Variants in EDIL3 observed in about 807,000 individuals in gnomAD.
The protein encoded by EDIL3 is EGF-like repeat and discoidin I-like domain-containing protein 3.
In EDIL3, 37 loss-of-function variants were observed where a neutral mutation model predicts 67.4. The observed-to-expected ratio is 0.55, with a 90% CI of 0.42 to 0.72. The LOEUF (loss-of-function observed/expected upper bound fraction) is 0.72. Among genes scored for constraint, EDIL3 ranks in the 30% least tolerant of loss-of-function variants. The pLI, the probability that EDIL3 is intolerant of heterozygous loss-of-function variation, is 0.00. For synonymous variants in EDIL3, 195 were observed against 196.3 expected (o/e 0.99, Z 0.05); for missense variants, 527 against 586.3 (o/e 0.90, Z 1.04).
intron 6 of EDIL3, 44 bp from the exon 7 acceptor site, chr5:84,066,650 G>T: frequency 6.3e-7 from 1 of 1,577,462 alleles, no homozygotes; most frequent in South Asian, 1.2e-5. Context: ...TTGTTTTCAG[G>T]ATAACAATAC....
At chr5:84,380,978 T>A (rs1310791793) in intron 1 of EDIL3, among the ~76,000 whole-genome samples, 1 of 152,076 alleles carries the variant, frequency 6.6e-6, no homozygotes, top group Non-Finnish European at 1.5e-5. Context: ...ATACATGATT[T>A]ATATGAACAT....
Position 84,060,499 on chromosome 5 carries a change from G to T in EDIL3, c.953-15C>A, listed in dbSNP as rs765707052. ...CTCAGAACAACCTGAAAGAAAATGA[G>T]AAGGGCTCCATGAGAAAAATAATTG... On this transcript the variant is annotated splice_polypyrimidine_tract_variant and intron_variant, in intron 8 of 10. Coordinates refer to ENST00000296591, the MANE Select transcript of EDIL3 (RefSeq NM_005711.5). The T allele has an allele frequency of 3.1e-6, 5 of 1,612,228 alleles. No individual in the cohort carries two copies. The African/African-American group carries it at 6.7e-5, about 22-fold the overall frequency.
At chr5:84,121,542 T>TCGATCGATCG (rs1561437564) in intron 5 of EDIL3, among the ~76,000 whole-genome samples, 1 of 30,750 alleles carries the variant, frequency 3.3e-5, no homozygotes, top group African/African-American at 8.3e-5. Flanking sequence ...TAGATCGATC[T>TCGATCGATCG]ATCTATCTAT....
chr5:84,292,132 T>C (rs192905458), intron 1 of EDIL3, among the ~76,000 whole-genome samples: 61 of 152,146 alleles, frequency 4.0e-4, no homozygotes, highest in African/African-American at 1.4e-3. Context: ...TAAATTTCTG[T>C]TTTTTTGTTT....
At chr5:84,132,215 G>C (rs970310028) in intron 5 of EDIL3, among the ~76,000 whole-genome samples, 1 of 143,044 alleles carries the variant, frequency 7.0e-6, no homozygotes, top group Non-Finnish European at 1.5e-5. Flanking sequence ...AGCCACCTGG[G>C]AGACGGAGAG....
At chr5:84,177,565 TCTAAA>T (rs1417660635) in intron 4 of EDIL3, among the ~76,000 whole-genome samples, 1 of 152,148 alleles carries the variant, frequency 6.6e-6, no homozygotes, top group Non-Finnish European at 1.5e-5. Flanking sequence ...AAGAGTGAAC[TCTAAA>T]CTACGGACTT....
intron 4 of EDIL3, among the ~76,000 whole-genome samples, chr5:84,164,725 T>C (rs1357959433): frequency 6.6e-6 from 1 of 152,112 alleles, no homozygotes; most frequent in Non-Finnish European, 1.5e-5. Flanking sequence ...ATCACAATTC[T>C]AGGTTTTGAT....
intron 1 of EDIL3, among the ~76,000 whole-genome samples, chr5:84,342,904 A>G (rs1397497632): frequency 6.6e-6 from 1 of 152,006 alleles, no homozygotes; most frequent in African/African-American, 2.4e-5. Context: ...CTTTGCCAGA[A>G]CCTTATTACT....
intron 1 of EDIL3, among the ~76,000 whole-genome samples, chr5:84,268,029 CG>C (rs1554039278): frequency 1.3e-5 from 2 of 152,034 alleles, no homozygotes; most frequent in Non-Finnish European, 1.5e-5. Flanking sequence ...CCCAGCTACT[CG>C]GGAGGCTGAG....
At chr5:83,964,636 A>G (rs1744659895) in intron 9 of EDIL3, among the ~76,000 whole-genome samples, 1 of 152,034 alleles carries the variant, frequency 6.6e-6, no homozygotes, top group African/African-American at 2.4e-5. Flanking sequence ...GGTGTGAAAC[A>G]GTTTCCAATG....
intron 9 of EDIL3, among the ~76,000 whole-genome samples, chr5:84,015,280 A>G (rs982668311): frequency 1.3e-5 from 2 of 152,242 alleles, no homozygotes; most frequent in African/African-American, 4.8e-5. Context: ...AACTGATTAA[A>G]TGATAAAAGT....
At chr5:84,238,779 C>T (rs969530804) in intron 2 of EDIL3, among the ~76,000 whole-genome samples, 1 of 142,016 alleles carries the variant, frequency 7.0e-6, no homozygotes, top group African/African-American at 2.6e-5. Context: ...ATCTGCAAAA[C>T]TTGTCTCCCT....
rs566946561 is a variant in EDIL3 at position 84,062,942 on chromosome 5, G to T, written c.952+1758C>A. On this transcript the variant is annotated intron_variant, in intron 8 of 10. Coordinates refer to ENST00000296591, the MANE Select transcript of EDIL3 (RefSeq NM_005711.5). ...AAAATGAAGTATTAACAATGAAATG[G>T]GTATTTCTATAATGAAGTGCTCTAG... Among the ~76,000 whole-genome samples, 4 of 152,116 alleles carry T rather than the reference G, an allele frequency of 2.6e-5. No individual in the cohort carries two copies. In the East Asian group the frequency reaches 7.7e-4, roughly 29 times the overall value.
In EDIL3 at chr5:84,060,050, T is replaced by C. The variant is rs73134253; in HGVS notation, c.1137+250A>G. ...TGCTCTCCTAATCAATCAATTGACA[T>C]ACACATAGTGTGATCTGGTACAGTC... is the stretch of plus-strand genomic sequence containing the variant. On this transcript the variant is annotated intron_variant, in intron 9 of 10. Transcript: ENST00000296591. Among the ~76,000 whole-genome samples the C allele has an allele frequency of 1.1e-3, 160 of 152,310 alleles. 1 individual carries two copies. The highest frequency in any genetic ancestry group is 3.7e-3 in the African/African-American group (153 of 41,570).
intron 1 of EDIL3, among the ~76,000 whole-genome samples, chr5:84,331,387 T>C (rs556182949): frequency 2.6e-4 from 40 of 152,236 alleles, no homozygotes; most frequent in Admixed American, 1.6e-3. Context: ...TCCCCATATG[T>C]TGTGGGAGGG....
intron 4 of EDIL3, among the ~76,000 whole-genome samples, chr5:84,151,906 TTC>T (rs1748401287): frequency 6.8e-6 from 1 of 147,058 alleles, no homozygotes; most frequent in African/African-American, 2.7e-5. Context: ...TCTTTGCTGC[TTC>T]TTTTTTTTTT....
Position 84,384,776 on chromosome 5 carries a change from G to GC in EDIL3, c.-403_-402insG, listed in dbSNP as rs1392520634. On this transcript the variant is annotated 5_prime_UTR_variant, in exon 1 of 11. Coordinates refer to ENST00000296591, the MANE Select transcript of EDIL3 (RefSeq NM_005711.5). Reference sequence around the variant, plus strand: ...GCTCGGCTGTCGCTGTTCTCCGCGCGGCGGCTGCGGGGCTTCTGACTTGGA... The same window carrying GC: ...GCTCGGCTGTCGCTGTTCTCCGCGCGCGCGGCTGCGGGGCTTCTGACTTGGA... 1.3e-5 allele frequency: 2 copies of GC among 152,792 alleles called. No individual in the cohort carries two copies. Among genetic ancestry groups the GC allele is most frequent in the African/African-American group, 4.8e-5 (2 of 41,460 alleles). The allele number at this position is 152,792 out of a possible 1,614,324, so 9.5% of individuals were successfully genotyped here.
chr5:83,953,651 T>C (rs748022886), intron 10 of EDIL3, among the ~76,000 whole-genome samples: 1 of 151,820 alleles, frequency 6.6e-6, no homozygotes, highest in Non-Finnish European at 1.5e-5. Flanking sequence ...TGTGTTCAGT[T>C]TTCTGAGTTT....
At chr5:84,156,914 C>G (rs1370425747) in intron 4 of EDIL3, among the ~76,000 whole-genome samples, 1 of 152,072 alleles carries the variant, frequency 6.6e-6, no homozygotes. Flanking sequence ...ATTTGAGACA[C>G]TAGACCAGAG....
Sources: gnomAD v4.1 joint callset for allele counts (sites outside exome capture counted in the v4.1 genomes callset) on GRCh38, gnomAD v4.1.1 for gene constraint, MANE v1.5 for transcripts, NCBI Gene and HGNC (gene_info 2026-07-23, HGNC 2026-07-21) for gene names.